Variants in NUDT5 observed in about 807,000 individuals in gnomAD.
NUDT5 encodes nudix hydrolase 5.
In NUDT5, 21 loss-of-function variants were observed where a neutral mutation model predicts 34.1. The ratio of observed to expected loss-of-function variants is 0.62; its 90% CI spans 0.44 to 0.89. The LOEUF (loss-of-function observed/expected upper bound fraction) is 0.89, where lower values mean the gene tolerates loss of function less well. Ranked by LOEUF, NUDT5 falls within the 40% of genes least tolerant of loss-of-function variation. The pLI is 0.00. For synonymous variants in NUDT5, 85 were observed against 97.6 expected (o/e 0.87, Z 0.76); for missense variants, 249 against 274.8 (o/e 0.91, Z 0.66).
rs1231145436 is a variant in NUDT5 at position 12,169,431 on chromosome 10, CGA to C, written c.550+1284_550+1285del. ...ATTGTTCCTGTTTTATGAAAAAAGCCGAGAGAGGCTACAGAACCTGTTTGATG... is the reference window on the plus strand; with the variant it reads ...ATTGTTCCTGTTTTATGAAAAAAGCCGAGAGGCTACAGAACCTGTTTGATG... On this transcript the variant is annotated intron_variant, in intron 9 of 9. Coordinates refer to ENST00000491614, the MANE Select transcript of NUDT5 (RefSeq NM_014142.4). This position sits in a 1 kb window ranked among gnomAD's most constrained non-coding sequence, Gnocchi z 4.8. The C allele has an allele frequency of 2.0e-5, 16 of 787,856 alleles. No individual in the cohort carries two copies. In the East Asian group the frequency reaches 4.0e-4, roughly 20 times the overall value. The allele number at this position is 787,856 out of a possible 1,614,324, so 48.8% of individuals were successfully genotyped here. A position where few individuals can be genotyped will look rare whatever the true frequency, so the allele number is the denominator to read the frequency against.
Position 12,170,659 on chromosome 10 carries a change from G to T in NUDT5, c.550+58C>A. ...TGGAGTTATATTTAGTACCCAGTTT[G>T]CTGGGATGGGGACGGGGAGAACTGG... On this transcript the variant is annotated intron_variant, in intron 9 of 9. Coordinates refer to ENST00000491614, the MANE Select transcript of NUDT5 (RefSeq NM_014142.4). The surrounding 1 kb of genome is among the most constrained non-coding windows in gnomAD (Gnocchi z 4.9). 6.8e-7 allele frequency: 1 copy of T among 1,475,566 alleles called. No individual in the cohort carries two copies. The highest frequency in any genetic ancestry group is 2.3e-5 in the East Asian group (1 of 44,252). 91.4% of individuals were successfully genotyped at this position (1,475,566 alleles called of 1,614,324 possible).
intron 5 of NUDT5, among the ~76,000 whole-genome samples, chr10:12,177,380 G>T (rs751812692): frequency 6.6e-6 from 1 of 151,888 alleles, no homozygotes; most frequent in Middle Eastern, 3.2e-3. Context: ...TTAGCCGGGC[G>T]TGGTGGCGGG....
Position 12,175,870 on chromosome 10 carries a change from G to C in NUDT5, c.289+1923C>G, listed in dbSNP as rs1191576744. 1.3e-5 allele frequency among the ~76,000 whole-genome samples: 2 copies of C among 152,082 alleles called. No homozygotes were observed. The highest frequency in any genetic ancestry group is 2.9e-5 in the Non-Finnish European group (2 of 68,028). ...CCGGAGCACACCAGCCTCAGCAACA[G>C]AGACCCCATCTCAAAGAAAAAAGAA... On this transcript the variant is annotated intron_variant, in intron 5 of 9. Coordinates refer to ENST00000491614, the MANE Select transcript of NUDT5 (RefSeq NM_014142.4). This position sits in a 1 kb window ranked among gnomAD's most constrained non-coding sequence, Gnocchi z 4.8.
chr10:12,192,066 C>T (rs771745987), intron 1 of NUDT5, among the ~76,000 whole-genome samples: 1 of 152,100 alleles, frequency 6.6e-6, no homozygotes, highest in Non-Finnish European at 1.5e-5. Flanking sequence ...ATCAACAATA[C>T]TCAACCAAAT....
rs1029985882 is a variant in NUDT5 at position 12,175,654 on chromosome 10, C to T, written c.290-1841G>A. Among the ~76,000 whole-genome samples, 1 of 150,532 alleles carries T rather than the reference C, an allele frequency of 6.6e-6. No homozygotes were observed. Among genetic ancestry groups the T allele is most frequent in the Admixed American group, 6.6e-5 (1 of 15,152 alleles). The stretch of plus-strand genomic sequence containing the variant: ...TAGACATAGTCTCAAAAAAAGAGCC[C>T]GGGCATGGCGGCTCACACCTGTAAT... On this transcript the variant is annotated intron_variant, in intron 5 of 9. Coordinates refer to ENST00000491614, the MANE Select transcript of NUDT5 (RefSeq NM_014142.4). This position sits in a 1 kb window ranked among gnomAD's most constrained non-coding sequence, Gnocchi z 4.8.
chr10:12,173,365 G>A lies in NUDT5; in HGVS notation c.385+353C>T, dbSNP rs960291947. Reference sequence around the variant, plus strand: ...CTGGGATCACAGGTGTGCGCCACCCGGCTAATTTTTGTATTTTTAGTAGAG... The same window carrying A: ...CTGGGATCACAGGTGTGCGCCACCCAGCTAATTTTTGTATTTTTAGTAGAG... On this transcript the variant is annotated intron_variant, in intron 6 of 9. Transcript: ENST00000491614. The surrounding 1 kb of genome is among the most constrained non-coding windows in gnomAD (Gnocchi z 4.7). 1.3e-5 allele frequency among the ~76,000 whole-genome samples: 2 copies of A among 151,968 alleles called. No individual in the cohort carries two copies. The highest frequency in any genetic ancestry group is 2.4e-5 in the African/African-American group (1 of 41,372).
At position 12,170,001 on chromosome 10, in the gene NUDT5, G is replaced by A; in HGVS notation, c.550+716C>T. 1.1e-6 allele frequency: 1 copy of A among 917,684 alleles called. No homozygotes were observed. Among genetic ancestry groups the A allele is most frequent in the East Asian group, 2.4e-5 (1 of 41,330 alleles). The allele number at this position is 917,684 out of a possible 1,614,324, so 56.8% of individuals were successfully genotyped here. ...CTAGATGAGTGAAAGGGATTTGCCA[G>A]CCCATACAGAGGTGCTCCTTGAAGG... On this transcript the variant is annotated intron_variant, in intron 9 of 9. Transcript: ENST00000491614. The surrounding 1 kb of genome is among the most constrained non-coding windows in gnomAD (Gnocchi z 4.9).
chr10:12,169,181 C>A lies in NUDT5; in HGVS notation c.551-1370G>T. The A allele has an allele frequency of 1.1e-6, 1 of 904,282 alleles. No homozygotes were observed. The highest frequency in any genetic ancestry group is 1.7e-5 in the South Asian group (1 of 57,924). 56.0% of individuals were successfully genotyped at this position (904,282 alleles called of 1,614,324 possible). ...AAAGCTAGGCAACTTGGTTCTTTTACCCCTCCTCCTTTATAGCCATAGTAG... is the reference window on the plus strand; with the variant it reads ...AAAGCTAGGCAACTTGGTTCTTTTAACCCTCCTCCTTTATAGCCATAGTAG... On this transcript the variant is annotated intron_variant, in intron 9 of 9. Transcript: ENST00000491614. The surrounding 1 kb of genome is among the most constrained non-coding windows in gnomAD (Gnocchi z 4.8).
intron 3 of NUDT5, among the ~76,000 whole-genome samples, chr10:12,180,046 T>C (rs978841016): frequency 6.6e-6 from 1 of 152,166 alleles, no homozygotes; most frequent in African/African-American, 2.4e-5. Context: ...AAAAAGGAGT[T>C]ACCACCTGCA....
chr10:12,183,635 G>C (rs1437463636), intron 3 of NUDT5, among the ~76,000 whole-genome samples: 1 of 152,012 alleles, frequency 6.6e-6, no homozygotes, highest in Non-Finnish European at 1.5e-5. Context: ...ATTTCACTAA[G>C]TAAAAAATTA....
At chr10:12,172,381 T>A (rs770197921) in intron 7 of NUDT5, 1 of 220,440 alleles carries the variant, frequency 4.5e-6, no homozygotes, top group African/African-American at 2.3e-5. Context: ...CTGCCTCACC[T>A]TCCAGAGCAG....
intron 3 of NUDT5, among the ~76,000 whole-genome samples, chr10:12,183,529 T>C (rs141567660): frequency 3.3e-5 from 5 of 152,374 alleles, no homozygotes; most frequent in African/African-American, 7.2e-5. Context: ...TGTACTCTTA[T>C]TGGATCACTT....
chr10:12,169,172 G>A lies in NUDT5; in HGVS notation c.551-1361C>T. On this transcript the variant is annotated intron_variant, in intron 9 of 9. Coordinates refer to ENST00000491614, the MANE Select transcript of NUDT5 (RefSeq NM_014142.4). The surrounding 1 kb of genome is among the most constrained non-coding windows in gnomAD (Gnocchi z 4.8). ...GATTCTGCTAAAGCTAGGCAACTTGGTTCTTTTACCCCTCCTCCTTTATAG... is the reference window on the plus strand; with the variant it reads ...GATTCTGCTAAAGCTAGGCAACTTGATTCTTTTACCCCTCCTCCTTTATAG... 4 of 797,972 alleles carry A rather than the reference G, an allele frequency of 5.0e-6. No homozygotes were observed. Among genetic ancestry groups the A allele is most frequent in the Admixed American group, 2.9e-5 (1 of 34,898 alleles). The allele number at this position is 797,972 out of a possible 1,614,324, so 49.4% of individuals were successfully genotyped here.
In NUDT5 at chr10:12,170,106, T is replaced by C; in HGVS notation, c.550+611A>G. On this transcript the variant is annotated intron_variant, in intron 9 of 9. Coordinates refer to ENST00000491614, the MANE Select transcript of NUDT5 (RefSeq NM_014142.4). The surrounding 1 kb of genome is among the most constrained non-coding windows in gnomAD (Gnocchi z 4.9). ...TGTCTCCATACAGTATCTCCTCTCGTGGTTTTATCAAAGGACTTTTCTCCC... is the reference window on the plus strand; with the variant it reads ...TGTCTCCATACAGTATCTCCTCTCGCGGTTTTATCAAAGGACTTTTCTCCC... 6.2e-7 allele frequency: 1 copy of C among 1,611,788 alleles called. No individual in the cohort carries two copies. Among genetic ancestry groups the C allele is most frequent in the Non-Finnish European group, 8.5e-7 (1 of 1,178,926 alleles).
At chr10:12,174,204 C>A (rs1011279987) in intron 5 of NUDT5, among the ~76,000 whole-genome samples, 1 of 151,216 alleles carries the variant, frequency 6.6e-6, no homozygotes, top group South Asian at 2.1e-4. Context: ...TGCTGCACTA[C>A]GTTAGGAGAA....
At chr10:12,195,187 T>C (rs1168149639) in intron 1 of NUDT5, among the ~76,000 whole-genome samples, 1 of 152,102 alleles carries the variant, frequency 6.6e-6, no homozygotes, top group Non-Finnish European at 1.5e-5. Flanking sequence ...AGCTAGTTAC[T>C]TCTCATTCTT....
At chr10:12,194,136 G>C (rs1034983503) in intron 1 of NUDT5, among the ~76,000 whole-genome samples, 4 of 152,208 alleles carry the variant, frequency 2.6e-5, no homozygotes, top group Non-Finnish European at 5.9e-5. Context: ...CGGCCTCCCA[G>C]AGTGCTGGGA....
chr10:12,186,194 G>T (rs372904871), intron 2 of NUDT5, 35 bp downstream of exon 2: 52 of 1,444,144 alleles, frequency 3.6e-5, no homozygotes, highest in Non-Finnish European at 4.8e-5. Flanking sequence ...AGATTTATGT[G>T]GGGGAGGGAA....
intron 1 of NUDT5, among the ~76,000 whole-genome samples, chr10:12,189,163 AGGCATGATCTC>A (rs991271391): frequency 2.4e-4 from 36 of 152,192 alleles, no homozygotes; most frequent in African/African-American, 8.4e-4. Context: ...TGGAGTGCAA[AGGCATGATCTC>A]GGCTCACTGC....
Sources: gnomAD v4.1 joint callset for allele counts (sites outside exome capture counted in the v4.1 genomes callset) on GRCh38, gnomAD v4.1.1 for gene constraint, Gnocchi (gnomAD v3.1) non-coding constraint, MANE v1.5 for transcripts, NCBI Gene and HGNC (gene_info 2026-07-23, HGNC 2026-07-21) for gene names.